The following ATL2 variants were observed in gnomAD, a reference collection of about 807,000 sequenced individuals.
ATL2 encodes atlastin GTPase 2.
In ATL2, 31 loss-of-function variants were observed where a neutral mutation model predicts 73.9. That is an observed-to-expected ratio of 0.42 (90% confidence interval 0.32 to 0.57). The LOEUF (loss-of-function observed/expected upper bound fraction) is 0.57. Among genes scored for constraint, ATL2 ranks in the 20% least tolerant of loss-of-function variants. The probability of loss-of-function intolerance (pLI) is 0.14; values close to 1 mark genes in which losing one functional copy is unlikely to be tolerated. For synonymous variants in ATL2, 291 were observed against 237.5 expected (o/e 1.23, Z -2.07); for missense variants, 738 against 702.6 (o/e 1.05, Z -0.57).
chr2:38,367,840 C>T (rs1467104707), intron 1 of ATL2, among the ~76,000 whole-genome samples: 2 of 151,282 alleles, frequency 1.3e-5, no homozygotes, highest in Non-Finnish European at 2.9e-5. Flanking sequence ...ACCATGTTGT[C>T]CGGGCTGGTC....
At chr2:38,306,702 C>A (rs533612598) in intron 9 of ATL2, among the ~76,000 whole-genome samples, 1 of 152,234 alleles carries the variant, frequency 6.6e-6, no homozygotes, top group East Asian at 1.9e-4. Context: ...ATTCAACATC[C>A]CTTCATGGTA....
At chr2:38,331,972 C>A (rs929315621) in intron 2 of ATL2, among the ~76,000 whole-genome samples, 2 of 151,976 alleles carry the variant, frequency 1.3e-5, no homozygotes, top group African/African-American at 4.8e-5. Flanking sequence ...TATATCCACA[C>A]AAGAGAATAT....
chr2:38,329,924 T>C (rs1234878225), intron 2 of ATL2, among the ~76,000 whole-genome samples: 1 of 150,500 alleles, frequency 6.6e-6, no homozygotes, highest in Non-Finnish European at 1.5e-5. Flanking sequence ...AGGTCAGGAG[T>C]TCAAGACCAG....
chr2:38,296,008 A>T lies in ATL2; in HGVS notation c.1738T>A (p.Leu580Ile). 1.3e-6 allele frequency: 2 copies of T among 1,550,442 alleles called. No individual in the cohort carries two copies. Among genetic ancestry groups the T allele is most frequent in the Non-Finnish European group, 1.7e-6 (2 of 1,145,658 alleles). Reference sequence around the variant, plus strand: ...GAGATGAACTGTCAGTCTGTCTTTAATCTGGCATGATGAGACACCTGGTCA... The same window carrying T: ...GAGATGAACTGTCAGTCTGTCTTTATTCTGGCATGATGAGACACCTGGTCA... Reference protein sequence around the residue: ...LTDQVSHHARLKTD With the variant: ...LTDQVSHHARIKTD Residue 580 changes from leucine (L) to isoleucine (I), a missense_variant, in exon 13 of 13, where the codon TTA becomes ATA. By Grantham distance (5) the Leu-to-Ile change is conservative. Coordinates refer to ENST00000378954, the MANE Select transcript of ATL2 (RefSeq NM_001135673.4).
intron 1 of ATL2, among the ~76,000 whole-genome samples, chr2:38,360,751 G>C (rs1670966422): frequency 6.6e-6 from 1 of 152,092 alleles, no homozygotes; most frequent in African/African-American, 2.4e-5. Context: ...GGGGAAATGA[G>C]GGAGAACATA....
intron 2 of ATL2, 149 bp from the exon 3 acceptor site, chr2:38,319,168 G>T (rs1668185644): frequency 3.5e-6 from 3 of 849,720 alleles, no homozygotes; most frequent in East Asian, 2.5e-5. Context: ...TTACAAAGCA[G>T]TCCTTAAATC....
intron 1 of ATL2, 37 bp from the exon 2 acceptor site, chr2:38,343,549 C>G: frequency 6.4e-7 from 1 of 1,570,454 alleles, no homozygotes; most frequent in Non-Finnish European, 8.6e-7. Flanking sequence ...TTACTTTAAT[C>G]CCTATATTAC....
chr2:38,338,039 C>T (rs969756485), intron 2 of ATL2, among the ~76,000 whole-genome samples: 3 of 152,098 alleles, frequency 2.0e-5, no homozygotes, highest in Admixed American at 6.6e-5. Flanking sequence ...AACAGCGAGA[C>T]GTGACAATCT....
chr2:38,348,879 T>C (rs1440119776), intron 1 of ATL2, among the ~76,000 whole-genome samples: 2 of 152,092 alleles, frequency 1.3e-5, no homozygotes, highest in African/African-American at 4.8e-5. Context: ...AACAGACACT[T>C]CTCAAAAGAA....
At chr2:38,357,388 TATG>T (rs1207802554) in intron 1 of ATL2, among the ~76,000 whole-genome samples, 27 of 151,570 alleles carry the variant, frequency 1.8e-4, no homozygotes, top group Non-Finnish European at 4.0e-4. Flanking sequence ...TTAATATACT[TATG>T]ATTTACTTCC....
intron 2 of ATL2, among the ~76,000 whole-genome samples, chr2:38,337,744 T>G (rs1669455565): frequency 6.6e-6 from 1 of 151,962 alleles, no homozygotes; most frequent in Admixed American, 6.6e-5. Context: ...TGCTAAAAAT[T>G]GTTTAGTATA....
At chr2:38,313,446 T>C (rs1296156445) in intron 6 of ATL2, among the ~76,000 whole-genome samples, 3 of 152,128 alleles carry the variant, frequency 2.0e-5, no homozygotes, top group Non-Finnish European at 4.4e-5. Flanking sequence ...AAGCAATCGC[T>C]GCCACTGAAG....
intron 1 of ATL2, among the ~76,000 whole-genome samples, chr2:38,375,858 T>C (rs969966878): frequency 9.9e-5 from 15 of 152,224 alleles, no homozygotes; most frequent in African/African-American, 3.4e-4. Context: ...AATAATAAAA[T>C]AAGCTTTATT....
At chr2:38,309,330 A>T in intron 9 of ATL2, 49 bp downstream of exon 9, 2 of 1,534,580 alleles carry the variant, frequency 1.3e-6, no homozygotes, top group Middle Eastern at 1.9e-4. Flanking sequence ...ATGAGTTTTA[A>T]GTCAACTACA....
Position 38,315,335 on chromosome 2 carries a change from C to G in ATL2, c.604-1G>C. 1 of 1,500,480 alleles carries G rather than the reference C, an allele frequency of 6.7e-7. No homozygotes were observed. Among genetic ancestry groups the G allele is most frequent in the Non-Finnish European group, 8.8e-7 (1 of 1,134,614 alleles). The allele number at this position is 1,500,480 out of a possible 1,614,324, so 92.9% of individuals were successfully genotyped here. ...GAATATTCTGAGACAGATTATATACCTGTTGAAACAAAATTTATTTTGTTT... is the reference window on the plus strand; with the variant it reads ...GAATATTCTGAGACAGATTATATACGTGTTGAAACAAAATTTATTTTGTTT... On this transcript the variant is annotated splice_acceptor_variant, in intron 4 of 12. Coordinates refer to ENST00000378954, the MANE Select transcript of ATL2 (RefSeq NM_001135673.4). LOFTEE classifies it high-confidence loss of function.
intron 9 of ATL2, among the ~76,000 whole-genome samples, chr2:38,307,797 G>A (rs1667532741): frequency 1.3e-5 from 2 of 151,886 alleles, no homozygotes; most frequent in Non-Finnish European, 2.9e-5. Flanking sequence ...TCAAAAAACG[G>A]GCAAAAGATC....
At chr2:38,370,636 G>A (rs1238420850) in intron 1 of ATL2, among the ~76,000 whole-genome samples, 4 of 151,900 alleles carry the variant, frequency 2.6e-5, no homozygotes, top group Non-Finnish European at 4.4e-5. Flanking sequence ...GCGTGGTAGC[G>A]GGTGCCTGTA....
intron 11 of ATL2, 129 bp from the exon 12 acceptor site, chr2:38,298,704 A>C (rs1374389787): frequency 2.2e-6 from 2 of 892,592 alleles, no homozygotes; most frequent in African/African-American, 1.7e-5. Context: ...ACTCACTTAC[A>C]ATACCTCACA....
intron 2 of ATL2, among the ~76,000 whole-genome samples, chr2:38,332,744 G>A (rs1669072820): frequency 6.6e-6 from 1 of 152,128 alleles, no homozygotes; most frequent in South Asian, 2.1e-4. Context: ...AGAATGAATG[G>A]CCCACTCAAG....
Sources: allele counts gnomAD v4.1 joint callset (sites outside exome capture counted in the v4.1 genomes callset), GRCh38; gene constraint gnomAD v4.1.1; transcripts MANE v1.5; gene names NCBI Gene and HGNC (gene_info 2026-07-23, HGNC 2026-07-21).